The following TTC9 variants were observed in gnomAD, a reference collection of about 807,000 sequenced individuals.
The protein encoded by TTC9 is tetratricopeptide repeat protein 9A.
TTC9 carries 13 observed loss-of-function variants against 22.9 expected under a neutral mutation model. The observed-to-expected ratio is 0.57, with a 90% CI of 0.37 to 0.90. The LOEUF is 0.90. TTC9 is among the 40% of genes least tolerant of loss of function. TTC9 has a pLI of 0.01. For missense variants in TTC9, 280 were observed against 291.8 expected (o/e 0.96, Z 0.29); for synonymous variants, 148 against 133.2 (o/e 1.11, Z -0.77).
Position 70,641,957 on chromosome 14 carries a change from G to A in TTC9, c.-173G>A. ...GCGGCGGCTGGAGCAGCCTCTGGCA[G>A]CAGCGGGGAGAATGGGAGTGCGGGG... On this transcript the variant is annotated 5_prime_UTR_variant, in exon 1 of 3. Coordinates refer to ENST00000256367, the MANE Select transcript of TTC9 (RefSeq NM_015351.2). 3.6e-6 allele frequency: 1 copy of A among 274,164 alleles called. No individual in the cohort carries two copies. Among genetic ancestry groups the A allele is most frequent in the Non-Finnish European group, 5.6e-6 (1 of 177,554 alleles). The allele number at this position is 274,164 out of a possible 1,614,324, so 17.0% of individuals were successfully genotyped here. A position where few individuals can be genotyped will look rare whatever the true frequency, so the allele number is the denominator to read the frequency against.
intron 1 of TTC9, among the ~76,000 whole-genome samples, chr14:70,650,543 A>G (rs2139641219): frequency 6.6e-6 from 1 of 152,316 alleles, no homozygotes. Flanking sequence ...GCTTAGTGAA[A>G]AGGGACCTGG....
rs1357540235 is a variant in TTC9, at chr14:70,642,278, C to CGGCCGAGCT, written c.150_158dup (p.Ala51_Leu53dup). On this transcript the variant is annotated inframe_insertion, in exon 1 of 3. Coordinates refer to ENST00000256367, the MANE Select transcript of TTC9 (RefSeq NM_015351.2). ...GGCCAGGTCGGGGCGGCGGCCGAGCCGGCCGAGCTCATCCGACGAGCGCAC... is the reference window on the plus strand; with the variant it reads ...GGCCAGGTCGGGGCGGCGGCCGAGCCGGCCGAGCTGGCCGAGCTCATCCGACGAGCGCAC... 28 of 1,509,608 alleles carry CGGCCGAGCT rather than the reference C, an allele frequency of 1.9e-5. No homozygotes were observed. The highest frequency in any genetic ancestry group is 2.4e-5 in the Non-Finnish European group (27 of 1,130,378). 93.5% of individuals were successfully genotyped at this position (1,509,608 alleles called of 1,614,324 possible).
chr14:70,663,874 A>G (rs1020147946), intron 1 of TTC9, among the ~76,000 whole-genome samples: 2 of 152,128 alleles, frequency 1.3e-5, no homozygotes, highest in African/African-American at 4.8e-5. Context: ...ATGGCTTCAA[A>G]TGCATCCCCA....
intron 1 of TTC9, among the ~76,000 whole-genome samples, chr14:70,663,496 G>C (rs568866876): frequency 1.3e-5 from 2 of 152,210 alleles, no homozygotes; most frequent in African/African-American, 2.4e-5. Context: ...AATGTCAATA[G>C]TGCTGAGGCT....
chr14:70,667,764 G>C lies in TTC9; in HGVS notation c.589+18G>C. 6.4e-7 allele frequency: 1 copy of C among 1,565,112 alleles called. No homozygotes were observed. ...ACCAACAGGTAAGGCGGAAATAGCT[G>C]TTTTCTTACTTCCTCCCTGCTCTGG... On this transcript the variant is annotated intron_variant, in intron 2 of 2. Coordinates refer to ENST00000256367, the MANE Select transcript of TTC9 (RefSeq NM_015351.2).
intron 1 of TTC9, among the ~76,000 whole-genome samples, chr14:70,649,447 A>ATG (rs1241931427): frequency 6.6e-6 from 1 of 152,104 alleles, no homozygotes; most frequent in Non-Finnish European, 1.5e-5. Flanking sequence ...ACTTATGTAT[A>ATG]TATAATTTCA....
chr14:70,661,058 G>A (rs1228033766), intron 1 of TTC9, among the ~76,000 whole-genome samples: 1 of 152,152 alleles, frequency 6.6e-6, no homozygotes, highest in East Asian at 1.9e-4. Flanking sequence ...AAACATCAAG[G>A]TGTCGGCAGG....
At chr14:70,652,648 A>G (rs1886002365) in intron 1 of TTC9, among the ~76,000 whole-genome samples, 1 of 152,262 alleles carries the variant, frequency 6.6e-6, no homozygotes, top group Admixed American at 6.5e-5. Flanking sequence ...GTTGCTGGCT[A>G]AGTTCTAGCA....
chr14:70,650,541 A>G (rs1885969701), intron 1 of TTC9, among the ~76,000 whole-genome samples: 1 of 152,220 alleles, frequency 6.6e-6, no homozygotes, highest in Non-Finnish European at 1.5e-5. Context: ...GGGCTTAGTG[A>G]AAAGGGACCT....
chr14:70,665,437 C>G (rs184434610), intron 1 of TTC9, among the ~76,000 whole-genome samples: 10 of 152,142 alleles, frequency 6.6e-5, no homozygotes, highest in Non-Finnish European at 1.3e-4. Flanking sequence ...GCCTAAGATC[C>G]CACCATGGAG....
At chr14:70,655,589 C>T (rs1467056553) in intron 1 of TTC9, among the ~76,000 whole-genome samples, 2 of 152,102 alleles carry the variant, frequency 1.3e-5, no homozygotes, top group African/African-American at 4.8e-5. Context: ...ATTTAGGAAA[C>T]AAGGGGTTGT....
At position 70,669,178 on chromosome 14, in the gene TTC9, G is replaced by A. The variant is rs117095927; in HGVS notation, c.589+1432G>A. ...CAAAAAAAATAAAAAAGAGTAAAGA[G>A]GGGGGAGCTATTTTAGACCAAGTGA... is the stretch of plus-strand genomic sequence containing the variant. On this transcript the variant is annotated intron_variant, in intron 2 of 2. Coordinates refer to ENST00000256367, the MANE Select transcript of TTC9 (RefSeq NM_015351.2). 7.0e-3 allele frequency among the ~76,000 whole-genome samples: 1,067 copies of A among 152,134 alleles called. 6 individuals are homozygous for A. The highest frequency in any genetic ancestry group is 0.014 in the Middle Eastern group (4 of 294).
chr14:70,665,194 G>T (rs551757959), intron 1 of TTC9, among the ~76,000 whole-genome samples: 14 of 152,330 alleles, frequency 9.2e-5, no homozygotes, highest in African/African-American at 3.4e-4. Flanking sequence ...GGCTGGACGG[G>T]AAGAGGGCTG....
chr14:70,663,214 C>T (rs2139648539), intron 1 of TTC9, among the ~76,000 whole-genome samples: 1 of 152,312 alleles, frequency 6.6e-6, no homozygotes, highest in East Asian at 1.9e-4. Context: ...ACCTGGCATG[C>T]ATGGCTTCCC....
chr14:70,656,694 G>T (rs945908803), intron 1 of TTC9, among the ~76,000 whole-genome samples: 3 of 152,210 alleles, frequency 2.0e-5, no homozygotes, highest in Non-Finnish European at 2.9e-5. Flanking sequence ...TTCTGCCAAT[G>T]AACGTGACGT....
At position 70,671,226 on chromosome 14, in the gene TTC9, C is replaced by A; in HGVS notation, c.*71C>A. 1 of 1,334,360 alleles carries A rather than the reference C, an allele frequency of 7.5e-7. No individual in the cohort carries two copies. The highest frequency in any genetic ancestry group is 1.2e-5 in the South Asian group (1 of 82,384). The allele number at this position is 1,334,360 out of a possible 1,614,324, so 82.7% of individuals were successfully genotyped here. A position where few individuals can be genotyped will look rare whatever the true frequency, so the allele number is the denominator to read the frequency against. ...CCAGGCATCCCCTGGCAGAGAGCCC[C>A]GTCCTGGATTCTGTCCCTTTCTCCC... On this transcript the variant is annotated 3_prime_UTR_variant, in exon 3 of 3. Transcript: ENST00000256367.
intron 1 of TTC9, among the ~76,000 whole-genome samples, chr14:70,660,044 C>T (rs1459888179): frequency 1.3e-5 from 2 of 152,252 alleles, no homozygotes; most frequent in African/African-American, 4.8e-5. Context: ...ACCTGCTCTT[C>T]CTCTTATTCC....
chr14:70,656,747 G>A (rs1451160431), intron 1 of TTC9, among the ~76,000 whole-genome samples: 2 of 152,206 alleles, frequency 1.3e-5, no homozygotes, highest in Non-Finnish European at 2.9e-5. Context: ...AATATGGGGC[G>A]ATGGGTTTCT....
chr14:70,659,132 G>GCGCGCGCACACACACACACA (rs762892061), intron 1 of TTC9, among the ~76,000 whole-genome samples: 3 of 144,330 alleles, frequency 2.1e-5, no homozygotes, highest in East Asian at 2.0e-4. Flanking sequence ...ACACACACAC[G>GCGCGCGCACACACACACACA]CACACACACA....
Sources: allele counts gnomAD v4.1 joint callset (sites outside exome capture counted in the v4.1 genomes callset), GRCh38; gene constraint gnomAD v4.1.1; transcripts MANE v1.5; gene names NCBI Gene and HGNC (gene_info 2026-07-23, HGNC 2026-07-21).